The following CDS2 variants were observed in gnomAD, a reference collection of about 807,000 sequenced individuals.
The protein encoded by CDS2 is phosphatidate cytidylyltransferase 2.
In CDS2, 47 loss-of-function variants were observed where a neutral mutation model predicts 59.0. The observed-to-expected ratio is 0.80, with a 90% CI of 0.63 to 1.02. CDS2 has a LOEUF of 1.02. Among genes scored for constraint, CDS2 ranks in the 50% least tolerant of loss-of-function variants. The pLI, the probability that CDS2 is intolerant of heterozygous loss-of-function variation, is 0.00. For missense variants in CDS2, 356 were observed against 558.9 expected (o/e 0.64, Z 3.66); for synonymous variants, 207 against 206.4 (o/e 1.00, Z -0.02).
intron 1 of CDS2, among the ~76,000 whole-genome samples, chr20:5,161,520 C>T (rs1177535340): frequency 6.6e-6 from 1 of 152,208 alleles, no homozygotes; most frequent in Non-Finnish European, 1.5e-5. Context: ...CTGACACATA[C>T]ATTGAGAGGC....
At chr20:5,171,844 GC>G (rs1472441386) in intron 1 of CDS2, among the ~76,000 whole-genome samples, 1 of 152,236 alleles carries the variant, frequency 6.6e-6, no homozygotes, top group Non-Finnish European at 1.5e-5. Context: ...AGAGTAGGGA[GC>G]AGTCTGTGTC....
At chr20:5,185,612 G>A (rs2091061891) in intron 8 of CDS2, 146 bp from the exon 9 acceptor site, 1 of 655,888 alleles carries the variant, frequency 1.5e-6, no homozygotes, top group South Asian at 1.9e-5. Context: ...TAGGGAACAA[G>A]GAAACCATAT....
rs1403386617 is a variant in CDS2, at chr20:5,194,336, G to A, written c.*4102G>A. On this transcript the variant is annotated 3_prime_UTR_variant, in exon 13 of 13. Transcript: ENST00000460006. Reference sequence around the variant, plus strand: ...GCTAGGGTTTAAACCAAGTGGTCACGAAGGATTCTTATCTCAGGGCTCTGC... The same window carrying A: ...GCTAGGGTTTAAACCAAGTGGTCACAAAGGATTCTTATCTCAGGGCTCTGC... 2.6e-5 allele frequency: 4 copies of A among 152,262 alleles called. No individual in the cohort carries two copies. The highest frequency in any genetic ancestry group is 6.5e-5 in the Admixed American group (1 of 15,286). 9.4% of individuals were successfully genotyped at this position (152,262 alleles called of 1,614,324 possible).
chr20:5,153,299 ACATAT>A (rs1457453028), intron 1 of CDS2, among the ~76,000 whole-genome samples: 4 of 152,208 alleles, frequency 2.6e-5, no homozygotes, highest in Non-Finnish European at 2.9e-5. Context: ...TAGAGTGCGT[ACATAT>A]CATATTTTTA....
At chr20:5,174,920 TTTTG>T (rs750770527) in intron 2 of CDS2, among the ~76,000 whole-genome samples, 9 of 152,118 alleles carry the variant, frequency 5.9e-5, no homozygotes, top group Admixed American at 1.3e-4. Flanking sequence ...CCCTTGGTTT[TTTTG>T]TTTGTTTGTG....
intron 1 of CDS2, among the ~76,000 whole-genome samples, chr20:5,136,027 T>C (rs572848416): frequency 6.6e-6 from 1 of 152,264 alleles, no homozygotes; most frequent in East Asian, 1.9e-4. Flanking sequence ...TGTAAAGACT[T>C]TGCTGAGGTT....
In CDS2 at chr20:5,190,380, G is replaced by A. The variant is rs1317757373; in HGVS notation, c.*146G>A. ...TTTGGAGGGTATTTTTTATTTGTGGGTTCAAAAAATCTGTATATACAGTCT... is the reference window on the plus strand; with the variant it reads ...TTTGGAGGGTATTTTTTATTTGTGGATTCAAAAAATCTGTATATACAGTCT... On this transcript the variant is annotated 3_prime_UTR_variant, in exon 13 of 13. Coordinates refer to ENST00000460006, the MANE Select transcript of CDS2 (RefSeq NM_003818.4). The A allele has an allele frequency of 2.6e-6, 2 of 764,110 alleles. No homozygotes were observed. The highest frequency in any genetic ancestry group is 2.3e-5 in the South Asian group (1 of 42,758). 47.3% of individuals were successfully genotyped at this position (764,110 alleles called of 1,614,324 possible). A position where few individuals can be genotyped will look rare whatever the true frequency, so the allele number is the denominator to read the frequency against.
chr20:5,172,558 T>C (rs1386545688), intron 1 of CDS2, among the ~76,000 whole-genome samples: 1 of 152,210 alleles, frequency 6.6e-6, no homozygotes, highest in East Asian at 1.9e-4. Flanking sequence ...CCTGGGTTAA[T>C]ATGAGACATT....
intron 4 of CDS2, 58 bp downstream of exon 4, chr20:5,176,803 G>C (rs1020201486): frequency 1.4e-5 from 16 of 1,176,636 alleles, no homozygotes; most frequent in Admixed American, 5.1e-5. Flanking sequence ...TTTGTGGCAG[G>C]TACTTACAGT....
chr20:5,177,956 G>GA (rs1459390979), intron 4 of CDS2, among the ~76,000 whole-genome samples: 1 of 152,200 alleles, frequency 6.6e-6, no homozygotes, highest in African/African-American at 2.4e-5. Flanking sequence ...CCATGTAACA[G>GA]AAAAGAAACC....
At chr20:5,174,337 G>A (rs1382423817) in intron 2 of CDS2, among the ~76,000 whole-genome samples, 3 of 152,168 alleles carry the variant, frequency 2.0e-5, no homozygotes, top group Non-Finnish European at 4.4e-5. Context: ...TCAGATCCCA[G>A]CTTTACTGTT....
chr20:5,137,481 G>A (rs762841358), intron 1 of CDS2, among the ~76,000 whole-genome samples: 42 of 150,660 alleles, frequency 2.8e-4, no homozygotes, highest in Non-Finnish European at 5.0e-4. Context: ...GACCTCAAGT[G>A]ATCTGCCCGC....
chr20:5,173,676 A>G lies in CDS2; in HGVS notation c.194+17A>G, dbSNP rs369773007. On this transcript the variant is annotated intron_variant, in intron 2 of 12. Transcript: ENST00000460006. The stretch of plus-strand genomic sequence containing the variant: ...GTCTTCAAGGTAACCTGGCTTAATG[A>G]TGCAGGTGCTTGTTGGGGGCTTTGC... 12 of 1,613,568 alleles carry G rather than the reference A, an allele frequency of 7.4e-6. No individual in the cohort carries two copies. Among genetic ancestry groups the G allele is most frequent in the Non-Finnish European group, 9.3e-6 (11 of 1,179,692 alleles).
At chr20:5,176,410 G>T in intron 3 of CDS2, 2 of 444,178 alleles carry the variant, frequency 4.5e-6, no homozygotes, top group East Asian at 3.6e-5. Flanking sequence ...AAAGTTAATT[G>T]AAACATCAGG....
chr20:5,173,669 C>T lies in CDS2; in HGVS notation c.194+10C>T, dbSNP rs780318156. On this transcript the variant is annotated intron_variant, in intron 2 of 12. Coordinates refer to ENST00000460006, the MANE Select transcript of CDS2 (RefSeq NM_003818.4). ...CCAACTTGTCTTCAAGGTAACCTGG[C>T]TTAATGATGCAGGTGCTTGTTGGGG... 2 of 1,613,886 alleles carry T rather than the reference C, an allele frequency of 1.2e-6. No homozygotes were observed. Among genetic ancestry groups the T allele is most frequent in the Non-Finnish European group, 1.7e-6 (2 of 1,179,806 alleles).
chr20:5,136,830 G>GCAA (rs2122958906), intron 1 of CDS2, among the ~76,000 whole-genome samples: 1 of 152,188 alleles, frequency 6.6e-6, no homozygotes, highest in East Asian at 1.9e-4. Flanking sequence ...ACATGTGCAG[G>GCAA]TTTGGTACAC....
chr20:5,178,938 T>C lies in CDS2; in HGVS notation c.511T>C (p.Phe171Leu). Residue 171 changes from phenylalanine (F) to leucine (L), a missense_variant, in exon 5 of 13, where the codon TTT (phenylalanine) becomes CTT (leucine). Physicochemically the swap from Phe to Leu is conservative, Grantham distance 22. Transcript: ENST00000460006. ...ILSKYHRFIS[F>L]TLYLIGFCMF... ...CAGTAAATACCACCGGTTCATTTCC[T>C]TTACTCTCTATCTAATAGGTATGCA... 2 of 1,614,130 alleles carry C rather than the reference T, an allele frequency of 1.2e-6. No individual in the cohort carries two copies. Among genetic ancestry groups the C allele is most frequent in the Non-Finnish European group, 1.7e-6 (2 of 1,179,952 alleles).
chr20:5,175,276 A>C lies in CDS2; in HGVS notation c.288A>C (p.Ile96=). The C allele has an allele frequency of 6.2e-7, 1 of 1,612,058 alleles. No homozygotes were observed. Among genetic ancestry groups the C allele is most frequent in the Non-Finnish European group, 8.5e-7 (1 of 1,178,130 alleles). Residue 96 remains isoleucine (I), a synonymous_variant, in exon 3 of 13, where the codon ATA becomes ATC. Coordinates refer to ENST00000460006, the MANE Select transcript of CDS2 (RefSeq NM_003818.4). ...IIYLGPMVLM[I]IVMCVQIKCF... ...ACCTGGGACCAATGGTTTTGATGAT[A>C]ATCGTAAGTGCCATTTCACACTATT...
intron 1 of CDS2, among the ~76,000 whole-genome samples, chr20:5,129,030 T>C (rs1053815964): frequency 1.3e-5 from 2 of 152,198 alleles, no homozygotes; most frequent in Non-Finnish European, 2.9e-5. Context: ...ACCGTCTTAC[T>C]TTCACATCCT....
Sources: allele counts gnomAD v4.1 joint callset (sites outside exome capture counted in the v4.1 genomes callset), GRCh38; gene constraint gnomAD v4.1.1; transcripts MANE v1.5; gene names NCBI Gene and HGNC (gene_info 2026-07-23, HGNC 2026-07-21).